TPR: variants seen among roughly 807,000 people sequenced by gnomAD.
TPR encodes translocated promoter region, nuclear basket protein, also known as nucleoprotein TPR.
Under a neutral mutation model 316.1 loss-of-function variants are expected in TPR, and 51 were observed. That is an observed-to-expected ratio of 0.16 (90% CI 0.13 to 0.20). TPR has a LOEUF of 0.20. Ranked by LOEUF, TPR falls within the 10% of genes least tolerant of loss-of-function variation. The pLI, the probability that TPR is intolerant of heterozygous loss-of-function variation, is 1.00. For synonymous variants in TPR, 981 were observed against 914.7 expected, an observed-to-expected ratio of 1.07 and a Z score of -1.31; for missense variants, 2,272 against 2,754.8, an observed-to-expected ratio of 0.82 and a Z score of 3.92.
chr1:186,346,253 C>G lies in TPR; in HGVS notation c.2978G>C (p.Arg993Pro). The change falls in exon 23 of 51, where the codon CGT becomes CCT. Residue 993 changes from arginine (R) to proline (P), a missense_variant. By Grantham distance (103) the Arg-to-Pro change is moderately radical (BLOSUM62 -2). This residue lies in a region of TPR where 757 missense variants were observed against 859.8 expected (regional missense o/e 0.88). Transcript: ENST00000367478. ...CTGAAATTCAGCTGACTCTTTTAAA[C>G]GAACTTCAATATTCTTACGCACTTC... The part of the protein sequence containing the change: ...TEEVRKNIEV[R>P]LKESAEFQTQ... 5 of 1,613,040 alleles carry G rather than the reference C, an allele frequency of 3.1e-6. No homozygotes were observed. The highest frequency in any genetic ancestry group is 4.2e-6 in the Non-Finnish European group (5 of 1,179,592).
At chr1:186,323,485 A>G (rs1571600993) in intron 43 of TPR, among the ~76,000 whole-genome samples, 2 of 152,328 alleles carry the variant, frequency 1.3e-5, no homozygotes, top group African/African-American at 2.4e-5. Flanking sequence ...CACAACTTTT[A>G]GTAACACTTG....
At chr1:186,362,713 A>G in intron 6 of TPR, 124 bp downstream of exon 6, 1 of 846,796 alleles carries the variant, frequency 1.2e-6, no homozygotes, top group South Asian at 2.0e-5. Context: ...GTAATGCATT[A>G]TTCACATTTA....
chr1:186,363,404 T>C lies in TPR; in HGVS notation c.469A>G (p.Thr157Ala). The change falls in exon 5 of 51, where the codon ACA (threonine) becomes GCA (alanine). Residue 157 changes from threonine to alanine, a missense_variant. This residue lies in a region of TPR where 549 missense variants were observed against 598.6 expected (regional missense o/e 0.92). Coordinates refer to ENST00000367478, the MANE Select transcript of TPR (RefSeq NM_003292.3). The stretch of plus-strand genomic sequence containing the variant: ...TTTAACTGAAGTTCACCCTTTGTTG[T>C]ATTGCTTTCTTTAAGTTTTTCATTC... ...RLNEKLKESN[T>A]TKGELQLKLD... is the part of the protein sequence containing the mutation. 2.5e-6 allele frequency: 4 copies of C among 1,612,728 alleles called. No homozygotes were observed. Among genetic ancestry groups the C allele is most frequent in the Non-Finnish European group, 2.5e-6 (3 of 1,179,112 alleles).
At chr1:186,324,810 A>G (rs2102055391) in intron 42 of TPR, among the ~76,000 whole-genome samples, 1 of 144,182 alleles carries the variant, frequency 6.9e-6, no homozygotes, top group South Asian at 2.5e-4. Context: ...AGGAAAAAGA[A>G]GGAAGGAAGG....
chr1:186,355,334 G>A, intron 17 of TPR, 76 bp downstream of exon 17: 1 of 1,479,640 alleles, frequency 6.8e-7, no homozygotes, highest in South Asian at 1.2e-5. Context: ...TTGCAAATTA[G>A]CTCTTGAATT....
chr1:186,369,684 A>C (rs760322062), intron 3 of TPR, among the ~76,000 whole-genome samples: 6 of 152,148 alleles, frequency 3.9e-5, no homozygotes, highest in African/African-American at 9.7e-5. Flanking sequence ...ATAATCTATA[A>C]GTAAAGATAA....
rs747230258 is a variant in TPR at position 186,357,926 on chromosome 1, T to C, written c.1498-303A>G. Among the ~76,000 whole-genome samples, 5 of 152,232 alleles carry C rather than the reference T, an allele frequency of 3.3e-5. No homozygotes were observed. In the East Asian group the frequency reaches 5.8e-4, roughly 18 times the overall value. Reference sequence around the variant, plus strand: ...ATCAAATAAAACCCACAAATATCTATTTTTTTGTGTGTGCTTTTGTATATA... The same window carrying C: ...ATCAAATAAAACCCACAAATATCTACTTTTTTGTGTGTGCTTTTGTATATA... On this transcript the variant is annotated intron_variant, in intron 13 of 50. Coordinates refer to ENST00000367478, the MANE Select transcript of TPR (RefSeq NM_003292.3).
At position 186,313,723 on chromosome 1, in the gene TPR, C is replaced by T. The variant is rs1180439087; in HGVS notation, c.*248G>A. 1 of 1,609,924 alleles carries T rather than the reference C, an allele frequency of 6.2e-7. No homozygotes were observed. The highest frequency in any genetic ancestry group is 8.5e-7 in the Non-Finnish European group (1 of 1,176,488). ...GATGTGCCTAGTAGAACAGCAAGAGCAATTACTACTCGTTCTGGGCAGACC... is the reference window on the plus strand; with the variant it reads ...GATGTGCCTAGTAGAACAGCAAGAGTAATTACTACTCGTTCTGGGCAGACC... On this transcript the variant is annotated 3_prime_UTR_variant, in exon 51 of 51. Transcript: ENST00000367478.
At chr1:186,328,650 C>T (rs1052109384) in intron 39 of TPR, among the ~76,000 whole-genome samples, 2 of 152,132 alleles carry the variant, frequency 1.3e-5, no homozygotes, top group Admixed American at 6.5e-5. Context: ...GCTATTACCA[C>T]TGTCTTTTTA....
rs1658877398 is a variant in TPR, at chr1:186,352,041, T to C, written c.2404A>G (p.Arg802Gly). The C allele has an allele frequency of 1.2e-6, 2 of 1,610,296 alleles. No homozygotes were observed. The highest frequency in any genetic ancestry group is 1.7e-6 in the Non-Finnish European group (2 of 1,178,640). The stretch of plus-strand genomic sequence containing the variant: ...CTTTGTTCAGCTAACAAAGACTCTC[T>C]TTGCTGAGAAAGACGAACTTCAGAC... ...KLSEVRLSQQ[R>G]ESLLAEQRGQ... The change falls in exon 19 of 51, where the codon AGA becomes GGA. Residue 802 changes from arginine (R) to glycine (G), a missense_variant. Physicochemically the swap from Arg to Gly is moderately radical, Grantham distance 125 (BLOSUM62 -2). Around this residue, in one of 10 missense-constraint regions of TPR, gnomAD observed 757 missense variants for 859.8 expected, o/e 0.88. Transcript: ENST00000367478.
intron 27 of TPR, chr1:186,341,828 A>C (rs879461795): frequency 6.2e-6 from 1 of 160,478 alleles, no homozygotes; most frequent in Non-Finnish European, 1.4e-5. Flanking sequence ...TCTGTGAAGA[A>C]TTTTTTCCTT....
In TPR at chr1:186,313,358, G is replaced by A. The variant is rs1657425539; in HGVS notation, c.*613C>T. The A allele has an allele frequency of 3.1e-6, 1 of 326,696 alleles. No individual in the cohort carries two copies. Among genetic ancestry groups the A allele is most frequent in the Non-Finnish European group, 5.7e-6 (1 of 176,180 alleles). 20.2% of individuals were successfully genotyped at this position (326,696 alleles called of 1,614,324 possible). On this transcript the variant is annotated 3_prime_UTR_variant, in exon 51 of 51. Coordinates refer to ENST00000367478, the MANE Select transcript of TPR (RefSeq NM_003292.3). The stretch of plus-strand genomic sequence containing the variant: ...CTGCCTGTAATTTCATAATATGAAT[G>A]ACATTGGCATGTATTTTTTAAAAGG...
chr1:186,361,767 A>T (rs367926894), intron 8 of TPR, 22 bp downstream of exon 8: 1 of 1,612,966 alleles, frequency 6.2e-7, no homozygotes, highest in Non-Finnish European at 8.5e-7. Flanking sequence ...TTAGATACTA[A>T]CATGTGTGGT....
intron 14 of TPR, 36 bp from the exon 15 acceptor site, chr1:186,356,485 CT>C (rs1345845743): frequency 1.3e-6 from 2 of 1,554,084 alleles, no homozygotes; most frequent in African/African-American, 2.7e-5. Flanking sequence ...CAGGACTGAA[CT>C]GAGAGTTAAC....
At chr1:186,340,262 C>A (rs1458866224) in intron 29 of TPR, among the ~76,000 whole-genome samples, 1 of 152,100 alleles carries the variant, frequency 6.6e-6, no homozygotes, top group Non-Finnish European at 1.5e-5. Context: ...AAGAAACTCT[C>A]CCAAGTCATA....
chr1:186,336,395 C>A (rs1658342027), intron 33 of TPR, 101 bp downstream of exon 33: 1 of 1,121,138 alleles, frequency 8.9e-7, no homozygotes, highest in Non-Finnish European at 1.3e-6. Context: ...CACAAACACC[C>A]TTCATAAGTA....
In TPR at chr1:186,317,575, T is replaced by G; in HGVS notation, c.6847A>C (p.Ile2283Leu). The change falls in exon 49 of 51, where the codon ATT becomes CTT. Residue 2283 changes from isoleucine (I) to leucine (L), a missense_variant. Ile to Leu is a conservative substitution (Grantham distance 5, BLOSUM62 2). Around this residue, in one of 10 missense-constraint regions of TPR, gnomAD observed 123 missense variants for 142.3 expected, o/e 0.86. Transcript: ENST00000367478. ...GGCTCTTCTTCCTGCTGGCTATCAATTTCTAGGCCTGCTTCTGAACTAATA... is the reference window on the plus strand; with the variant it reads ...GGCTCTTCTTCCTGCTGGCTATCAAGTTCTAGGCCTGCTTCTGAACTAATA... ...EGISSEAGLEIDSQQEEEPVQ... is the reference protein window; with the variant it reads ...EGISSEAGLELDSQQEEEPVQ... 1.2e-6 allele frequency: 2 copies of G among 1,614,046 alleles called. No homozygotes were observed. The highest frequency in any genetic ancestry group is 2.2e-5 in the South Asian group (2 of 91,078).
In TPR at chr1:186,343,487, G is replaced by C; in HGVS notation, c.3603-14C>G. Reference sequence around the variant, plus strand: ...CGTCGTATAAATCTACAAAAATACAGATATTAAAATTTTATGTGAATTTTA... The same window carrying C: ...CGTCGTATAAATCTACAAAAATACACATATTAAAATTTTATGTGAATTTTA... On this transcript the variant is annotated splice_polypyrimidine_tract_variant and intron_variant, in intron 26 of 50. Coordinates refer to ENST00000367478, the MANE Select transcript of TPR (RefSeq NM_003292.3). 6.3e-7 allele frequency: 1 copy of C among 1,597,870 alleles called. No individual in the cohort carries two copies. Among genetic ancestry groups the C allele is most frequent in the Non-Finnish European group, 8.5e-7 (1 of 1,175,144 alleles).
rs200602585 is a variant in TPR at position 186,314,649 on chromosome 1, C to A, written c.7016G>T (p.Arg2339Leu). ...QTTLRQGVRG[R>L]QFNRQRGVSH... ...TTCACCTCTCTGTCTGTTAAACTGA[C>A]GACCACGGACACCTTGTCTCAATGT... Residue 2339 changes from arginine to leucine, a missense_variant, in exon 50 of 51, where the codon CGT becomes CTT. Around this residue, in one of 10 missense-constraint regions of TPR, gnomAD observed 123 missense variants for 142.3 expected, o/e 0.86. Transcript: ENST00000367478. 1 of 1,611,134 alleles carries A rather than the reference C, an allele frequency of 6.2e-7. No individual in the cohort carries two copies.
Sources: gnomAD v4.1 joint callset for allele counts (sites outside exome capture counted in the v4.1 genomes callset) on GRCh38, gnomAD v4.1.1 for gene constraint, gnomAD v4.1.1 regional missense constraint, MANE v1.5 for transcripts, NCBI Gene and HGNC (gene_info 2026-07-23, HGNC 2026-07-21) for gene names.